The following WTIP variants were observed in gnomAD, a reference collection of about 807,000 sequenced individuals.
The protein encoded by WTIP is Wilms tumor protein 1-interacting protein.
WTIP carries 23 observed loss-of-function variants against 41.7 expected under a neutral mutation model. The ratio of observed to expected loss-of-function variants is 0.55; its 90% confidence interval spans 0.40 to 0.78. The LOEUF (loss-of-function observed/expected upper bound fraction) is 0.78. Ranked by LOEUF, WTIP falls within the 30% of genes least tolerant of loss-of-function variation. WTIP has a pLI of 0.00. For synonymous variants in WTIP, 314 were observed against 269.9 expected (o/e 1.16, Z -1.60); for missense variants, 619 against 610.5 (o/e 1.01, Z -0.15).
chr19:34,496,324 C>T (rs1339865282), intron 7 of WTIP, among the ~76,000 whole-genome samples: 1 of 152,194 alleles, frequency 6.6e-6, no homozygotes, highest in African/African-American at 2.4e-5. Flanking sequence ...GCTCGCGCCG[C>T]CACATTCAGC....
At chr19:34,499,525 T>A (rs2075873070) in intron 7 of WTIP, among the ~76,000 whole-genome samples, 1 of 151,854 alleles carries the variant, frequency 6.6e-6, no homozygotes, top group Admixed American at 6.6e-5. Context: ...AACAAACGAA[T>A]AAACAAAAAA....
chr19:34,498,839 G>A (rs1171302484), intron 7 of WTIP, among the ~76,000 whole-genome samples: 1 of 152,006 alleles, frequency 6.6e-6, no homozygotes, highest in African/African-American at 2.4e-5. Context: ...GGCGGAGCTT[G>A]CAGTGAGCTG....
rs563582310 is a variant in WTIP at position 34,506,408 on chromosome 19, T to A, written c.*6139T>A. 4 of 152,326 alleles carry A rather than the reference T, an allele frequency of 2.6e-5. No individual in the cohort carries two copies. Among genetic ancestry groups the A allele is most frequent in the Non-Finnish European group, 4.4e-5 (3 of 68,032 alleles). The allele number at this position is 152,326 out of a possible 1,614,324, so 9.4% of individuals were successfully genotyped here. ...TCCAGGGAATTTTAACTTTTTATCA[T>A]CCTATTTACTCTGGAAAGCCTTGTC... is the stretch of plus-strand genomic sequence containing the variant. On this transcript the variant is annotated 3_prime_UTR_variant, in exon 8 of 8. Coordinates refer to ENST00000590071, the MANE Select transcript of WTIP (RefSeq NM_001080436.2).
chr19:34,491,643 C>G (rs371683339), intron 2 of WTIP, among the ~76,000 whole-genome samples: 42 of 150,616 alleles, frequency 2.8e-4, no homozygotes, highest in Middle Eastern at 3.5e-3. Flanking sequence ...AAACTTCTAT[C>G]TTGTACCCCC....
intron 1 of WTIP, among the ~76,000 whole-genome samples, chr19:34,483,162 G>GCCC (rs2075778925): frequency 6.9e-6 from 1 of 144,782 alleles, no homozygotes; most frequent in Admixed American, 7.0e-5. Context: ...ACACCACCAT[G>GCCC]CCCAGCTTTT....
At chr19:34,495,960 C>G (rs954836223) in intron 7 of WTIP, among the ~76,000 whole-genome samples, 189 bp downstream of exon 7, 6 of 152,268 alleles carry the variant, frequency 3.9e-5, no homozygotes, top group South Asian at 4.2e-4. Flanking sequence ...AGTTCGAGAC[C>G]AGCCTGGCCA....
chr19:34,499,926 T>G (rs943280069), intron 7 of WTIP, among the ~76,000 whole-genome samples: 1 of 152,086 alleles, frequency 6.6e-6, no homozygotes, highest in Non-Finnish European at 1.5e-5. Context: ...CTCGAACTCC[T>G]GACCGAAGCG....
chr19:34,486,074 T>C (rs1170612711), intron 1 of WTIP, among the ~76,000 whole-genome samples: 5 of 151,748 alleles, frequency 3.3e-5, no homozygotes, highest in Non-Finnish European at 5.9e-5. Context: ...TTTTCAACTT[T>C]GGTGACCTCC....
rs2075833908 is a variant in WTIP, at chr19:34,493,088, G to A, written c.821G>A (p.Cys274Tyr). 1 of 1,613,944 alleles carries A rather than the reference G, an allele frequency of 6.2e-7. No individual in the cohort carries two copies. The highest frequency in any genetic ancestry group is 8.5e-7 in the Non-Finnish European group (1 of 1,179,888). Residue 274 changes from cysteine to tyrosine, a missense_variant, in exon 3 of 8, where the codon TGC becomes TAC. Around this residue, in one of 3 missense-constraint regions of WTIP, gnomAD observed 164 missense variants for 219.1 expected, o/e 0.75. Coordinates refer to ENST00000590071, the MANE Select transcript of WTIP (RefSeq NM_001080436.2). The surrounding 1 kb of genome is among the most constrained non-coding windows in gnomAD (Gnocchi z 4.1). ...AFYNVGEKVYCQEDFLYSGFQ... is the reference protein window; with the variant it reads ...AFYNVGEKVYYQEDFLYSGFQ... ...TACAACGTGGGTGAGAAAGTGTACT[G>A]CCAGGAGGACTTCCTGGTGAGTCCA...
intron 7 of WTIP, among the ~76,000 whole-genome samples, chr19:34,496,319 C>T (rs973524029): frequency 3.3e-5 from 5 of 152,270 alleles, no homozygotes; most frequent in South Asian, 4.1e-4. Context: ...CACAGGCTCG[C>T]GCCGCCACAT....
chr19:34,490,605 G>T (rs1035113245), intron 2 of WTIP, 128 bp downstream of exon 2: 9 of 963,576 alleles, frequency 9.3e-6, no homozygotes, highest in Non-Finnish European at 1.4e-5. Context: ...GCTGGGCTGT[G>T]GAGGACTCTG....
intron 6 of WTIP, 30 bp from the exon 7 acceptor site, chr19:34,495,670 CTCA>C (rs1568401218): frequency 2.5e-6 from 4 of 1,611,916 alleles, no homozygotes; most frequent in African/African-American, 2.7e-5. Context: ...TCCCCACATG[CTCA>C]TCGTGTGTGA....
In WTIP at chr19:34,482,283, C is replaced by A; in HGVS notation, c.309C>A (p.Gly103=). The A allele has an allele frequency of 7.5e-7, 1 of 1,327,696 alleles. No individual in the cohort carries two copies. Among genetic ancestry groups the A allele is most frequent in the South Asian group, 1.6e-5 (1 of 61,786 alleles). The allele number at this position is 1,327,696 out of a possible 1,614,324, so 82.2% of individuals were successfully genotyped here. A position where few individuals can be genotyped will look rare whatever the true frequency, so the allele number is the denominator to read the frequency against. The change falls in exon 1 of 8, where the codon GGC becomes GGA. Residue 103 remains glycine, a synonymous_variant. Coordinates refer to ENST00000590071, the MANE Select transcript of WTIP (RefSeq NM_001080436.2). ...LAGSDGGGGG[G]SARSSGISLG... Reference sequence around the variant, plus strand: ...GGTCCGACGGCGGCGGCGGTGGCGGCAGCGCCCGATCCAGCGGCATCAGCC... The same window carrying A: ...GGTCCGACGGCGGCGGCGGTGGCGGAAGCGCCCGATCCAGCGGCATCAGCC...
At chr19:34,487,876 A>G (rs2075805615) in intron 1 of WTIP, among the ~76,000 whole-genome samples, 1 of 152,182 alleles carries the variant, frequency 6.6e-6, no homozygotes, top group African/African-American at 2.4e-5. Context: ...TGTATGGGCT[A>G]CTTGCCTACT....
chr19:34,499,687 G>T (rs1421471957), intron 7 of WTIP, among the ~76,000 whole-genome samples: 2 of 151,832 alleles, frequency 1.3e-5, no homozygotes, highest in African/African-American at 4.8e-5. Flanking sequence ...TACCCCCTCT[G>T]GCAGAGGAAG....
At chr19:34,486,364 G>GTTTTTTTTTTTTTTTTTTTTTTTT (rs753046388) in intron 1 of WTIP, among the ~76,000 whole-genome samples, 1 of 148,038 alleles carries the variant, frequency 6.8e-6, no homozygotes, top group African/African-American at 2.5e-5. Context: ...GCCTTTGTCA[G>GTTTTTTTTTTTTTTTTTTTTTTTT]TTTGTTTTTT....
Position 34,482,349 on chromosome 19 carries a change from C to T in WTIP, c.375C>T (p.Arg125=), listed in dbSNP as rs1222846055. ...GCCACGGCAGCCCGCGCTCCGGTCG[C>T]TCGGACCCGCGTCCCGGTCCCGGGC... The part of the protein sequence containing the change: ...DQRHGSPRSG[R]SDPRPGPGPP... The change falls in exon 1 of 8, where the codon CGC becomes CGT. Residue 125 remains arginine (R), a synonymous_variant. Transcript: ENST00000590071. The T allele has an allele frequency of 1.2e-5, 17 of 1,386,098 alleles. No individual in the cohort carries two copies. Among genetic ancestry groups the T allele is most frequent in the Non-Finnish European group, 1.4e-5 (15 of 1,064,810 alleles). 85.9% of individuals were successfully genotyped at this position (1,386,098 alleles called of 1,614,324 possible). A position where few individuals can be genotyped will look rare whatever the true frequency, so the allele number is the denominator to read the frequency against.
chr19:34,502,707 A>C lies in WTIP; in HGVS notation c.*2438A>C, dbSNP rs1402024325. The C allele has an allele frequency of 6.6e-6, 1 of 152,292 alleles. No homozygotes were observed. Among genetic ancestry groups the C allele is most frequent in the Non-Finnish European group, 1.5e-5 (1 of 68,136 alleles). 9.4% of individuals were successfully genotyped at this position (152,292 alleles called of 1,614,324 possible). ...AGTTCTGGGATTACAGGCGTGAGCCACTGTGCCTGGCCTTACTTTTTGTAT... is the reference window on the plus strand; with the variant it reads ...AGTTCTGGGATTACAGGCGTGAGCCCCTGTGCCTGGCCTTACTTTTTGTAT... On this transcript the variant is annotated 3_prime_UTR_variant, in exon 8 of 8. Coordinates refer to ENST00000590071, the MANE Select transcript of WTIP (RefSeq NM_001080436.2).
chr19:34,499,679 C>T (rs2075873935), intron 7 of WTIP, among the ~76,000 whole-genome samples: 2 of 152,086 alleles, frequency 1.3e-5, no homozygotes, highest in Admixed American at 6.6e-5. Flanking sequence ...GCTTCCCATA[C>T]CCCCTCTGGC....
Sources: allele counts gnomAD v4.1 joint callset (sites outside exome capture counted in the v4.1 genomes callset), GRCh38; gene constraint gnomAD v4.1.1; regional missense constraint gnomAD v4.1.1; non-coding constraint Gnocchi (gnomAD v3.1); transcripts MANE v1.5; gene names NCBI Gene and HGNC (gene_info 2026-07-23, HGNC 2026-07-21).